PPARA: variants seen among roughly 807,000 people sequenced by gnomAD.
PPARA encodes peroxisome proliferator activated receptor alpha.
Under a neutral mutation model 42.2 loss-of-function variants are expected in PPARA, and 22 were observed. That is an observed-to-expected ratio of 0.52 (90% CI 0.37 to 0.74). The LOEUF (loss-of-function observed/expected upper bound fraction) is 0.74, where lower values mean the gene tolerates loss of function less well. Among genes scored for constraint, PPARA ranks in the 30% least tolerant of loss-of-function variants. The pLI, the probability that PPARA is intolerant of heterozygous loss-of-function variation, is 0.00. For synonymous variants in PPARA, 242 were observed against 239.3 expected, an observed-to-expected ratio of 1.01 and a Z score of -0.10; for missense variants, 465 against 608.2, an observed-to-expected ratio of 0.76 and a Z score of 2.48.
At chr22:46,159,299 T>A (rs1474123357) in intron 2 of PPARA, among the ~76,000 whole-genome samples, 1 of 152,348 alleles carries the variant, frequency 6.6e-6, no homozygotes, top group Admixed American at 6.5e-5. Flanking sequence ...TCTCTTAGTA[T>A]GTAAAAGTTT....
chr22:46,185,964 T>TATACACACAC (rs1207976543), intron 3 of PPARA, among the ~76,000 whole-genome samples: 1 of 25,924 alleles, frequency 3.9e-5, no homozygotes, highest in African/African-American at 1.1e-4. Flanking sequence ...TATATATATA[T>TATACACACAC]ACACACACAC....
In PPARA at chr22:46,219,382, TTCAGAACATGCTA is replaced by T. The variant is rs1934809770; in HGVS notation, c.509-429_509-417del. On this transcript the variant is annotated intron_variant, in intron 6 of 8. Coordinates refer to ENST00000407236, the MANE Select transcript of PPARA (RefSeq NM_005036.6). The surrounding 1 kb of genome is among the most constrained non-coding windows in gnomAD (Gnocchi z 4.8). ...TCCTTCTAGCCAATCATTTAATAGT[TTCAGAACATGCTA>T]ATTGTGATGTGAATGTAAGTCGTTC... Among the ~76,000 whole-genome samples the T allele has an allele frequency of 6.6e-6, 1 of 152,174 alleles. No homozygotes were observed. Among genetic ancestry groups the T allele is most frequent in the African/African-American group, 2.4e-5 (1 of 41,452 alleles).
At position 46,218,844 on chromosome 22, in the gene PPARA, A is replaced by AAG. The variant is rs1453501909; in HGVS notation, c.508+444_508+445insGA. Among the ~76,000 whole-genome samples the AAG allele has an allele frequency of 1.4e-5, 2 of 140,694 alleles. 1 individual carries two copies. Among genetic ancestry groups the AAG allele is most frequent in the African/African-American group, 5.7e-5 (2 of 34,814 alleles). The allele number at this position is 140,694 out of a possible 152,430, so 92.3% of individuals were successfully genotyped here. ...GGGAGATTCCGTCTCACAAAAAAAAAAAAAAGAAAAAGAAAGAAAGAAAGA... is the reference window on the plus strand; with the variant it reads ...GGGAGATTCCGTCTCACAAAAAAAAAAGAAAAAGAAAAAGAAAGAAAGAAAGA... On this transcript the variant is annotated intron_variant, in intron 6 of 8. Coordinates refer to ENST00000407236, the MANE Select transcript of PPARA (RefSeq NM_005036.6).
intron 3 of PPARA, among the ~76,000 whole-genome samples, chr22:46,177,457 C>G (rs1929316127): frequency 7.1e-6 from 1 of 141,602 alleles, no homozygotes; most frequent in Non-Finnish European, 1.5e-5. Flanking sequence ...GAACAAGACT[C>G]CATCTCAAAA....
At chr22:46,228,936 C>T (rs1935670025) in intron 7 of PPARA, among the ~76,000 whole-genome samples, 1 of 150,606 alleles carries the variant, frequency 6.6e-6, no homozygotes. Context: ...AACCCCGTCT[C>T]TACTAAAAAT....
At chr22:46,213,787 C>G (rs1934175957) in intron 4 of PPARA, among the ~76,000 whole-genome samples, 1 of 152,172 alleles carries the variant, frequency 6.6e-6, no homozygotes, top group Admixed American at 6.5e-5. Flanking sequence ...GACGGAGTTT[C>G]ACCGTGTTAG....
Position 46,193,978 on chromosome 22 carries a change from T to C in PPARA, c.-42-4364T>C, listed in dbSNP as rs147356007. On this transcript the variant is annotated intron_variant, in intron 3 of 8. Transcript: ENST00000407236. This position sits in a 1 kb window ranked among gnomAD's most constrained non-coding sequence, Gnocchi z 5.3. The stretch of plus-strand genomic sequence containing the variant: ...CGATTAGCTGGACAGCGGCATGTCA[T>C]GTGGGTAATAGGAAGGGGTGGGGAC... Among the ~76,000 whole-genome samples, 6 of 152,252 alleles carry C rather than the reference T, an allele frequency of 3.9e-5. No homozygotes were observed. In the South Asian group the frequency reaches 6.2e-4, roughly 16 times the overall value.
At chr22:46,220,953 T>A (rs1426043030) in intron 7 of PPARA, among the ~76,000 whole-genome samples, 1 of 147,008 alleles carries the variant, frequency 6.8e-6, no homozygotes, top group African/African-American at 2.6e-5. Context: ...AAAAAAAAAA[T>A]AGAATAATAA....
Position 46,225,323 on chromosome 22 carries a change from G to A in PPARA, c.711+5309G>A, listed in dbSNP as rs1038863773. Among the ~76,000 whole-genome samples the A allele has an allele frequency of 6.6e-6, 1 of 152,176 alleles. No individual in the cohort carries two copies. Among genetic ancestry groups the A allele is most frequent in the South Asian group, 2.1e-4 (1 of 4,836 alleles). On this transcript the variant is annotated intron_variant, in intron 7 of 8. Transcript: ENST00000407236. This position sits in a 1 kb window ranked among gnomAD's most constrained non-coding sequence, Gnocchi z 4.1. ...TGAGGGTAACAGGGATGGAAGCAGA[G>A]TCAGGGGGCTGAGGGAGGCAATAAA...
Position 46,220,161 on chromosome 22 carries a change from C to G in PPARA, c.711+147C>G, listed in dbSNP as rs4253756. 9.6e-6 allele frequency: 9 copies of G among 934,586 alleles called. No homozygotes were observed. The Admixed American group carries it at 1.6e-4, about 17-fold the overall frequency. The allele number at this position is 934,586 out of a possible 1,614,324, so 57.9% of individuals were successfully genotyped here. ...ACAGCGAAGATGGAAACAGTTCATT[C>G]TGAGACTCTGAGCTGTAGCTTAACA... On this transcript the variant is annotated intron_variant, in intron 7 of 8. Coordinates refer to ENST00000407236, the MANE Select transcript of PPARA (RefSeq NM_005036.6).
chr22:46,229,063 C>A (rs1036907895), intron 7 of PPARA, among the ~76,000 whole-genome samples: 2 of 150,490 alleles, frequency 1.3e-5, no homozygotes, highest in Admixed American at 1.3e-4. Context: ...GCCAAGATCA[C>A]GCCACTGCAC....
At position 46,200,440 on chromosome 22, in the gene PPARA, CT is replaced by C. The variant is rs1380380603; in HGVS notation, c.208+1850del. ...TTACTGTACTGAACGGCGTAGGCCC[CT>C]GTGACACAATGGTAAGTATTTGTGC... is the stretch of plus-strand genomic sequence containing the variant. On this transcript the variant is annotated intron_variant, in intron 4 of 8. Transcript: ENST00000407236. This position sits in a 1 kb window ranked among gnomAD's most constrained non-coding sequence, Gnocchi z 4.8. Among the ~76,000 whole-genome samples the C allele has an allele frequency of 2.0e-5, 3 of 152,248 alleles. No homozygotes were observed. The highest frequency in any genetic ancestry group is 7.2e-5 in the African/African-American group (3 of 41,472).
rs370133498 is a variant in PPARA, at chr22:46,161,772, T to C, written c.-127+9802T>C. ...AGCAGATGTGGACTTTCCGACTGTGTGTGTGCGACTTCCTCAGAGCCCTCA... is the reference window on the plus strand; with the variant it reads ...AGCAGATGTGGACTTTCCGACTGTGCGTGTGCGACTTCCTCAGAGCCCTCA... On this transcript the variant is annotated intron_variant, in intron 2 of 8. Coordinates refer to ENST00000407236, the MANE Select transcript of PPARA (RefSeq NM_005036.6). This position sits in a 1 kb window ranked among gnomAD's most constrained non-coding sequence, Gnocchi z 4.8. Among the ~76,000 whole-genome samples the C allele has an allele frequency of 1.3e-5, 2 of 152,326 alleles. No homozygotes were observed. The highest frequency in any genetic ancestry group is 2.1e-4 in the South Asian group (1 of 4,828).
rs775785516 is a variant in PPARA at position 46,198,574 on chromosome 22, A to G, written c.191A>G (p.Asp64Gly). 1 of 1,607,300 alleles carries G rather than the reference A, an allele frequency of 6.2e-7. No individual in the cohort carries two copies. The highest frequency in any genetic ancestry group is 1.1e-5 in the South Asian group (1 of 90,980). The change falls in exon 4 of 9, where the codon GAT becomes GGT. Residue 64 changes from aspartate (D) to glycine (G), a missense_variant. Physicochemically the swap from Asp to Gly is moderately conservative, Grantham distance 94. Around this residue, in one of 2 missense-constraint regions of PPARA, gnomAD observed 152 missense variants for 139.1 expected, o/e 1.09. Transcript: ENST00000407236. ...TATTTAGGAAGCTGTCCTGGCTCAG[A>G]TGGCTCGGTCATCACGGGTAAGTGT... ...YQYLGSCPGSDGSVITDTLSP... is the reference protein window; with the variant it reads ...YQYLGSCPGSGGSVITDTLSP...
At position 46,184,727 on chromosome 22, in the gene PPARA, C is replaced by T. The variant is rs1269863359; in HGVS notation, c.-43+7891C>T. Among the ~76,000 whole-genome samples, 8 of 152,160 alleles carry T rather than the reference C, an allele frequency of 5.3e-5. No individual in the cohort carries two copies. Among genetic ancestry groups the T allele is most frequent in the African/African-American group, 1.9e-4 (8 of 41,420 alleles). The stretch of plus-strand genomic sequence containing the variant: ...AAAATTAGCCAGGCGTGGTGGCGCA[C>T]GCCTGTAGTACCAGCTATTCGGGAG... On this transcript the variant is annotated intron_variant, in intron 3 of 8. Coordinates refer to ENST00000407236, the MANE Select transcript of PPARA (RefSeq NM_005036.6). This position sits in a 1 kb window ranked among gnomAD's most constrained non-coding sequence, Gnocchi z 4.4.
rs758013995 is a variant in PPARA, at chr22:46,165,694, C to T, written c.-126-11059C>T. On this transcript the variant is annotated intron_variant, in intron 2 of 8. Transcript: ENST00000407236. The surrounding 1 kb of genome is among the most constrained non-coding windows in gnomAD (Gnocchi z 5.5). ...GGACTGAAGTCCAGTTCTAGCTACG[C>T]CCAGTCCTTGAGACTGGATTAAGGT... Among the ~76,000 whole-genome samples the T allele has an allele frequency of 6.6e-6, 1 of 152,206 alleles. No homozygotes were observed. The highest frequency in any genetic ancestry group is 2.4e-5 in the African/African-American group (1 of 41,450).
chr22:46,180,194 C>CT lies in PPARA; in HGVS notation c.-43+3372dup, dbSNP rs201465094. 0.093 allele frequency among the ~76,000 whole-genome samples: 12,981 copies of CT among 140,306 alleles called. 778 individuals are homozygous for CT. The highest frequency in any genetic ancestry group is 0.21 in the East Asian group (1,045 of 4,870). The allele number at this position is 140,306 out of a possible 152,430, so 92.0% of individuals were successfully genotyped here. A position where few individuals can be genotyped will look rare whatever the true frequency, so the allele number is the denominator to read the frequency against. ...ACATTGAAAAACAGGTTGGCAGTTG[C>CT]TTTTTTTTTTTTTTGAGATGGAGTC... is the stretch of plus-strand genomic sequence containing the variant. On this transcript the variant is annotated intron_variant, in intron 3 of 8. Coordinates refer to ENST00000407236, the MANE Select transcript of PPARA (RefSeq NM_005036.6). This position sits in a 1 kb window ranked among gnomAD's most constrained non-coding sequence, Gnocchi z 4.2.
At chr22:46,181,059 G>T (rs984786621) in intron 3 of PPARA, among the ~76,000 whole-genome samples, 6 of 151,478 alleles carry the variant, frequency 4.0e-5, no homozygotes, top group Non-Finnish European at 7.3e-5. Flanking sequence ...TTGCCATGTT[G>T]CCCAGACCCA....
rs1166387952 is a variant in PPARA, at chr22:46,173,937, G to GGAGGC, written c.-126-2816_-126-2815insGAGGC. Among the ~76,000 whole-genome samples, 241 of 152,062 alleles carry GGAGGC rather than the reference G, an allele frequency of 1.6e-3. No individual in the cohort carries two copies. Among genetic ancestry groups the GGAGGC allele is most frequent in the African/African-American group, 5.5e-3 (228 of 41,420 alleles). On this transcript the variant is annotated intron_variant, in intron 2 of 8. Coordinates refer to ENST00000407236, the MANE Select transcript of PPARA (RefSeq NM_005036.6). The surrounding 1 kb of genome is among the most constrained non-coding windows in gnomAD (Gnocchi z 4.3). ...AAGAAATTATGGGCTAGGTGCAGTG[G>GGAGGC]CTCATGCCTGTAATCCCAGCACTTT...
Sources: gnomAD v4.1 joint callset for allele counts (sites outside exome capture counted in the v4.1 genomes callset) on GRCh38, gnomAD v4.1.1 for gene constraint, gnomAD v4.1.1 regional missense constraint, Gnocchi (gnomAD v3.1) non-coding constraint, MANE v1.5 for transcripts, NCBI Gene and HGNC (gene_info 2026-07-23, HGNC 2026-07-21) for gene names.